The following FBN1 variants were observed in gnomAD, a reference collection of about 807,000 sequenced individuals.
FBN1 encodes fibrillin-1.
In FBN1, 29 loss-of-function variants were observed where a neutral mutation model predicts 365.1. The observed-to-expected ratio is 0.08, with a 90% CI of 0.06 to 0.11. The LOEUF (loss-of-function observed/expected upper bound fraction) is 0.11. Among genes scored for constraint, FBN1 ranks in the 10% least tolerant of loss-of-function variants. The pLI, the probability that FBN1 is intolerant of heterozygous loss-of-function variation, is 1.00. For missense variants in FBN1, 2,476 were observed against 3,703.2 expected, an observed-to-expected ratio of 0.67 and a Z score of 8.60; for synonymous variants, 1,210 against 1,270.5, an observed-to-expected ratio of 0.95 and a Z score of 1.01.
intron 32 of FBN1, among the ~76,000 whole-genome samples, chr15:48,476,932 G>C (rs963164613): frequency 2.6e-5 from 4 of 151,770 alleles, no homozygotes; most frequent in Non-Finnish European, 5.9e-5. Context: ...CCAGCTGAGC[G>C]CATTTCTTTA....
chr15:48,494,329 A>C, intron 22 of FBN1, 75 bp from the exon 23 acceptor site: 1 of 1,100,726 alleles, frequency 9.1e-7, no homozygotes, highest in Non-Finnish European at 1.4e-6. Flanking sequence ...GTTCTGACAT[A>C]GTGTAAGAAA....
rs151232110 is a variant in FBN1, at chr15:48,458,433, T to C, written c.5297-1671A>G. 6.8e-4 allele frequency among the ~76,000 whole-genome samples: 103 copies of C among 152,360 alleles called. 1 individual carries two copies. In the East Asian group the frequency reaches 0.017, roughly 25 times the overall value. On this transcript the variant is annotated intron_variant, in intron 43 of 65. Transcript: ENST00000316623. ...TTGCTATTTTGAATACACGCAATTA[T>C]GTCTTTAGATCTTTCACACCTTTGT...
rs2042988229 is a variant in FBN1 at position 48,427,662 on chromosome 15, C to A, written c.7109G>T (p.Gly2370Val). 1 of 1,614,166 alleles carries A rather than the reference C, an allele frequency of 6.2e-7. No individual in the cohort carries two copies. Among genetic ancestry groups the A allele is most frequent in the African/African-American group, 1.3e-5 (1 of 75,056 alleles). ...KSECCCDGGRGWGPHCEICPF... is the reference protein window; with the variant it reads ...KSECCCDGGRVWGPHCEICPF... ...GCAGATCTCACAGTGGGGACCCCAG[C>A]CTCTCCCTCCGTCACAGCAGCATTC... Residue 2370 changes from glycine (G) to valine (V), a missense_variant, in exon 58 of 66, where the codon GGC (glycine) becomes GTC (valine). Physicochemically the swap from Gly to Val is moderately radical, Grantham distance 109. Transcript: ENST00000316623.
At chr15:48,528,163 A>G (rs1475957247) in intron 8 of FBN1, among the ~76,000 whole-genome samples, 1 of 152,248 alleles carries the variant, frequency 6.6e-6, no homozygotes, top group African/African-American at 2.4e-5. Flanking sequence ...TTCTCAACCC[A>G]TTAATATAAA....
intron 6 of FBN1, among the ~76,000 whole-genome samples, chr15:48,545,002 CT>C (rs1022070773): frequency 5.9e-5 from 9 of 152,190 alleles, no homozygotes; most frequent in African/African-American, 2.2e-4. Context: ...GATTCATTCC[CT>C]TTTAAAACAG....
At chr15:48,460,006 T>A (rs2043268858) in intron 43 of FBN1, among the ~76,000 whole-genome samples, 1 of 152,196 alleles carries the variant, frequency 6.6e-6, no homozygotes, top group Admixed American at 6.5e-5. Context: ...TATGCTTGAT[T>A]GTAATTTTGG....
At chr15:48,451,695 CCTGA>C (rs563754304) in intron 45 of FBN1, among the ~76,000 whole-genome samples, 8 of 152,052 alleles carry the variant, frequency 5.3e-5, no homozygotes, top group Non-Finnish European at 1.0e-4. Context: ...ACACATTCTT[CCTGA>C]CTAATATACA....
intron 6 of FBN1, among the ~76,000 whole-genome samples, chr15:48,540,161 A>G (rs1392136189): frequency 6.6e-6 from 1 of 152,180 alleles, no homozygotes; most frequent in East Asian, 1.9e-4. Context: ...TAATAAATAC[A>G]TCTTTGCTGT....
At chr15:48,479,579 G>A (rs1162684993) in intron 32 of FBN1, among the ~76,000 whole-genome samples, 1 of 152,186 alleles carries the variant, frequency 6.6e-6, no homozygotes, top group Non-Finnish European at 1.5e-5. Context: ...TGGAGGAAGA[G>A]CTCAAGTGTT....
chr15:48,523,330 G>C (rs567051857), intron 9 of FBN1, among the ~76,000 whole-genome samples: 1 of 152,274 alleles, frequency 6.6e-6, no homozygotes, highest in South Asian at 2.1e-4. Flanking sequence ...CTATTATTTT[G>C]CAAATCAACT....
intron 2 of FBN1, among the ~76,000 whole-genome samples, chr15:48,616,382 T>A (rs903937528): frequency 1.3e-5 from 2 of 152,232 alleles, no homozygotes; most frequent in Non-Finnish European, 2.9e-5. Flanking sequence ...CATGTAAGAT[T>A]TCTCCTCTGC....
intron 6 of FBN1, among the ~76,000 whole-genome samples, chr15:48,575,364 T>C (rs948763288): frequency 6.7e-6 from 1 of 149,218 alleles, no homozygotes; most frequent in African/African-American, 2.5e-5. Context: ...TGTATGTATG[T>C]ATTTAGGGGG....
chr15:48,585,039 A>C (rs1414237538), intron 6 of FBN1, among the ~76,000 whole-genome samples: 2 of 152,242 alleles, frequency 1.3e-5, no homozygotes, highest in East Asian at 3.8e-4. Flanking sequence ...TCCCTAACAG[A>C]ATATGATCAT....
At chr15:48,620,007 G>A (rs548044068) in intron 2 of FBN1, among the ~76,000 whole-genome samples, 38 of 152,300 alleles carry the variant, frequency 2.5e-4, no homozygotes, top group African/African-American at 7.9e-4. Context: ...TTGGTTGTGC[G>A]CTGAAGGGCT....
chr15:48,611,187 T>C (rs180683935), intron 3 of FBN1, among the ~76,000 whole-genome samples: 93 of 152,354 alleles, frequency 6.1e-4, no homozygotes, highest in Non-Finnish European at 8.8e-4. Context: ...TATATTATTA[T>C]ATTAACTCTA....
intron 2 of FBN1, among the ~76,000 whole-genome samples, chr15:48,638,878 A>G (rs1034957291): frequency 1.4e-4 from 22 of 152,196 alleles, no homozygotes; most frequent in African/African-American, 5.3e-4. Context: ...AGAAGCCCAC[A>G]CAACGCCCAG....
At chr15:48,573,721 A>C (rs2044323881) in intron 6 of FBN1, among the ~76,000 whole-genome samples, 1 of 152,178 alleles carries the variant, frequency 6.6e-6, no homozygotes. Flanking sequence ...ATTCTTGGCA[A>C]ACAATTAAAG....
At chr15:48,546,386 T>C in intron 6 of FBN1, among the ~76,000 whole-genome samples, 1 of 152,196 alleles carries the variant, frequency 6.6e-6, no homozygotes, top group East Asian at 1.9e-4. Context: ...GGAGGTGACA[T>C]TTAAACTGAG....
chr15:48,420,658 C>T, intron 63 of FBN1, 29 bp downstream of exon 63: 1 of 1,613,700 alleles, frequency 6.2e-7, no homozygotes, highest in Middle Eastern at 1.6e-4. Context: ...GATAGCCATG[C>T]ATCTTGAGAG....
Sources: allele counts gnomAD v4.1 joint callset (sites outside exome capture counted in the v4.1 genomes callset), GRCh38; gene constraint gnomAD v4.1.1; transcripts MANE v1.5; gene names NCBI Gene and HGNC (gene_info 2026-07-23, HGNC 2026-07-21).